Variants in CADPS2 observed in about 807,000 individuals in gnomAD.
CADPS2 encodes calcium dependent secretion activator 2.
Under a neutral mutation model 172.5 loss-of-function variants are expected in CADPS2, and 93 were observed. The observed-to-expected ratio is 0.54, with a 90% CI of 0.46 to 0.64. The LOEUF (loss-of-function observed/expected upper bound fraction) is 0.64. Among genes scored for constraint, CADPS2 ranks in the 30% least tolerant of loss-of-function variants. The pLI is 0.00. For synonymous variants in CADPS2, 546 were observed against 555.2 expected (o/e 0.98, Z 0.23); for missense variants, 1,420 against 1,565.9 (o/e 0.91, Z 1.57).
intron 9 of CADPS2, among the ~76,000 whole-genome samples, chr7:122,508,456 T>G (rs1235426736): frequency 1.8e-5 from 2 of 112,422 alleles, no homozygotes; most frequent in African/African-American, 4.4e-5. Context: ...TAAGTTTTTT[T>G]TTTTTTTTTT....
intron 17 of CADPS2, among the ~76,000 whole-genome samples, chr7:122,425,331 T>TA (rs113817189): frequency 0.043 from 6,418 of 148,960 alleles, 327 homozygotes; most frequent in African/African-American, 0.12. Context: ...TTCATGCCTG[T>TA]AATCCCTGCA....
At chr7:122,872,386 CT>C (rs1201682910) in intron 1 of CADPS2, among the ~76,000 whole-genome samples, 1 of 152,002 alleles carries the variant, frequency 6.6e-6, no homozygotes, top group African/African-American at 2.4e-5. Flanking sequence ...TTATAGGAAC[CT>C]TTGTTTTGTC....
In CADPS2 at chr7:122,480,888, A is replaced by G. The variant is rs1176630183; in HGVS notation, c.1853-28T>C. On this transcript the variant is annotated intron_variant, in intron 11 of 29. Transcript: ENST00000449022. ...ACAGGTCAGCAAAGAAATGAGAAACAAAGCATATTTAAATGGGTTGGGAAC... is the reference window on the plus strand; with the variant it reads ...ACAGGTCAGCAAAGAAATGAGAAACGAAGCATATTTAAATGGGTTGGGAAC... The G allele has an allele frequency of 2.0e-6, 3 of 1,511,958 alleles. No individual in the cohort carries two copies. In the African/African-American group the frequency reaches 4.2e-5, roughly 21 times the overall value. 93.7% of individuals were successfully genotyped at this position (1,511,958 alleles called of 1,614,324 possible). A position where few individuals can be genotyped will look rare whatever the true frequency, so the allele number is the denominator to read the frequency against.
intron 1 of CADPS2, among the ~76,000 whole-genome samples, chr7:122,787,869 C>T (rs567800622): frequency 6.6e-6 from 1 of 152,262 alleles, no homozygotes; most frequent in East Asian, 1.9e-4. Flanking sequence ...ATTCTTCATC[C>T]TCATTAAATA....
intron 27 of CADPS2, among the ~76,000 whole-genome samples, chr7:122,350,834 A>C (rs1389917250): frequency 6.6e-6 from 1 of 151,786 alleles, no homozygotes; most frequent in Non-Finnish European, 1.5e-5. Flanking sequence ...AAAAAGTAAA[A>C]AATTAGCCAG....
At chr7:122,616,456 T>A (rs1242895794) in intron 5 of CADPS2, among the ~76,000 whole-genome samples, 1 of 152,130 alleles carries the variant, frequency 6.6e-6, no homozygotes, top group African/African-American at 2.4e-5. Context: ...AAGGGTCATG[T>A]TTGTAAATAT....
rs565314380 is a variant in CADPS2 at position 122,574,579 on chromosome 7, C to T, written c.1335+6600G>A. On this transcript the variant is annotated intron_variant, in intron 7 of 29. Transcript: ENST00000449022. ...TAACAGGCCTGGGGCAGGGAGAGTA[C>T]AAGTTGAGCCTCTAAAATTTCATGT... Among the ~76,000 whole-genome samples, 8 of 146,410 alleles carry T rather than the reference C, an allele frequency of 5.5e-5. No homozygotes were observed. The East Asian group carries it at 1.4e-3, about 26-fold the overall frequency.
chr7:122,492,825 A>C (rs2058418458), intron 9 of CADPS2, among the ~76,000 whole-genome samples: 1 of 152,068 alleles, frequency 6.6e-6, no homozygotes, highest in South Asian at 2.1e-4. Context: ...CAGCCTCCTG[A>C]ATAGCTGGAC....
intron 8 of CADPS2, among the ~76,000 whole-genome samples, chr7:122,535,240 G>C (rs2062138579): frequency 6.6e-6 from 1 of 152,054 alleles, no homozygotes; most frequent in African/African-American, 2.4e-5. Context: ...AATCAGACAA[G>C]TGAGTTCAAA....
chr7:122,350,255 G>C (rs1330778680), intron 27 of CADPS2, among the ~76,000 whole-genome samples: 2 of 151,966 alleles, frequency 1.3e-5, no homozygotes, highest in African/African-American at 4.8e-5. Flanking sequence ...AATTGTAGTA[G>C]GAGCAATTTA....
chr7:122,411,906 C>T (rs1404228044), intron 19 of CADPS2, among the ~76,000 whole-genome samples: 1 of 152,156 alleles, frequency 6.6e-6, no homozygotes, highest in African/African-American at 2.4e-5. Flanking sequence ...GGTTCATAAA[C>T]ATAGATATAG....
In CADPS2 at chr7:122,490,117, G is replaced by A. The variant is rs2058156394; in HGVS notation, c.1816C>T (p.Pro606Ser). 6.2e-7 allele frequency: 1 copy of A among 1,613,310 alleles called. No individual in the cohort carries two copies. The highest frequency in any genetic ancestry group is 8.5e-7 in the Non-Finnish European group (1 of 1,179,544). Residue 606 changes from proline (P) to serine (S), a missense_variant, in exon 11 of 30, where the codon CCT becomes TCT. Transcript: ENST00000449022. ...VPAIQTQKLNPKGGTLHADAQ... is the reference protein window; with the variant it reads ...VPAIQTQKLNSKGGTLHADAQ... ...TCTGCATGGAGAGTTCCTCCTTTAGGATTCAGTTTCTGGGTTTGAATTGCA... is the reference window on the plus strand; with the variant it reads ...TCTGCATGGAGAGTTCCTCCTTTAGAATTCAGTTTCTGGGTTTGAATTGCA...
intron 3 of CADPS2, among the ~76,000 whole-genome samples, chr7:122,648,874 A>G (rs1204527302): frequency 2.0e-5 from 3 of 152,098 alleles, no homozygotes; most frequent in Admixed American, 2.0e-4. Flanking sequence ...CAAGCAAAAG[A>G]TCTACAGCAG....
At chr7:122,518,960 T>G (rs576013753) in intron 8 of CADPS2, among the ~76,000 whole-genome samples, 1 of 152,058 alleles carries the variant, frequency 6.6e-6, no homozygotes, top group East Asian at 1.9e-4. Flanking sequence ...TTTAAATATT[T>G]TGTTGTCATC....
intron 20 of CADPS2, among the ~76,000 whole-genome samples, chr7:122,399,433 G>A (rs987326322): frequency 1.3e-5 from 2 of 152,120 alleles, no homozygotes; most frequent in South Asian, 4.1e-4. Context: ...ATTAACCGAA[G>A]CTTATAAGGC....
chr7:122,557,094 G>A lies in CADPS2; in HGVS notation c.1336-2405C>T, dbSNP rs139917368. Among the ~76,000 whole-genome samples, 874 of 152,212 alleles carry A rather than the reference G, an allele frequency of 5.7e-3. 6 individuals carry two copies. The highest frequency in any genetic ancestry group is 9.5e-3 in the Non-Finnish European group (647 of 68,018). On this transcript the variant is annotated intron_variant, in intron 7 of 29. Coordinates refer to ENST00000449022, the MANE Select transcript of CADPS2 (RefSeq NM_017954.11). ...GTGAACATTGGCACGTGTAACAAGG[G>A]GAGGTCCACAGATACGAAATCTTCT...
chr7:122,425,591 G>C (rs1475546968), intron 17 of CADPS2, among the ~76,000 whole-genome samples: 1 of 152,044 alleles, frequency 6.6e-6, no homozygotes, highest in Non-Finnish European at 1.5e-5. Context: ...AGGTGACAGA[G>C]TGAGACCCTG....
chr7:122,593,936 T>C (rs968534959), intron 6 of CADPS2, among the ~76,000 whole-genome samples: 1 of 152,098 alleles, frequency 6.6e-6, no homozygotes, highest in Non-Finnish European at 1.5e-5. Context: ...TTAATGTATT[T>C]TTGTATATCA....
intron 6 of CADPS2, among the ~76,000 whole-genome samples, chr7:122,591,929 A>G (rs967334709): frequency 6.6e-6 from 1 of 152,194 alleles, no homozygotes; most frequent in African/African-American, 2.4e-5. Flanking sequence ...AGGCATGGAC[A>G]AGGACTTCAT....
Sources: allele counts gnomAD v4.1 joint callset (sites outside exome capture counted in the v4.1 genomes callset), GRCh38; gene constraint gnomAD v4.1.1; transcripts MANE v1.5; gene names NCBI Gene and HGNC (gene_info 2026-07-23, HGNC 2026-07-21).